KIF26B: variants seen among roughly 807,000 people sequenced by gnomAD.
KIF26B encodes the protein kinesin family member 26B.
A neutral mutation model predicts 151.2 loss-of-function variants in KIF26B; 63 were observed. That is an observed-to-expected ratio of 0.42 (90% CI 0.34 to 0.51). The LOEUF is 0.51. KIF26B is among the 20% of genes least tolerant of loss of function. The pLI, the probability that KIF26B is intolerant of heterozygous loss-of-function variation, is 0.07. For missense variants in KIF26B, 2,813 were observed against 2,913.6 expected (o/e 0.97, Z 0.79); for synonymous variants, 1,357 against 1,262.1 (o/e 1.08, Z -1.59).
chr1:245,700,133 C>G (rs112430142), intron 14 of KIF26B, among the ~76,000 whole-genome samples: 5 of 152,092 alleles, frequency 3.3e-5, no homozygotes, highest in African/African-American at 1.2e-4. Flanking sequence ...CAGCATTTGC[C>G]GCTGTGGCCA....
At chr1:245,684,860 T>G (rs1328570094) in intron 11 of KIF26B, among the ~76,000 whole-genome samples, 1 of 152,230 alleles carries the variant, frequency 6.6e-6, no homozygotes, top group African/African-American at 2.4e-5. Flanking sequence ...CTGCTGCTTT[T>G]GTCCTGGCAA....
intron 2 of KIF26B, among the ~76,000 whole-genome samples, chr1:245,246,036 G>A (rs1027301789): frequency 6.6e-6 from 1 of 151,494 alleles, no homozygotes; most frequent in Non-Finnish European, 1.5e-5. Context: ...AGCTTGCCAT[G>A]AGCCGAGATC....
chr1:245,494,424 A>G (rs1660470213), intron 4 of KIF26B, among the ~76,000 whole-genome samples: 1 of 152,202 alleles, frequency 6.6e-6, no homozygotes, highest in South Asian at 2.1e-4. Context: ...TGTGAACCTG[A>G]AGTAGACAAG....
At chr1:245,332,203 C>T (rs1445213291) in intron 2 of KIF26B, among the ~76,000 whole-genome samples, 1 of 152,208 alleles carries the variant, frequency 6.6e-6, no homozygotes, top group African/African-American at 2.4e-5. Flanking sequence ...CTGGATTACG[C>T]TGCTGCAGAC....
At chr1:245,333,363 T>C (rs1300926450) in intron 2 of KIF26B, among the ~76,000 whole-genome samples, 3 of 152,206 alleles carry the variant, frequency 2.0e-5, no homozygotes, top group Non-Finnish European at 4.4e-5. Context: ...AAATACTGTG[T>C]GACGCCACTT....
chr1:245,702,353 A>T lies in KIF26B; in HGVS notation c.6179-105A>T. On this transcript the variant is annotated intron_variant, in intron 14 of 14. Coordinates refer to ENST00000407071, the MANE Select transcript of KIF26B (RefSeq NM_018012.4). The surrounding 1 kb of genome is among the most constrained non-coding windows in gnomAD (Gnocchi z 4.1). ...CCTAAGGCAAGCGAACTAGACCTTT[A>T]GACCAAGGGGTAGATGTGGGGGTGG... 1 of 1,297,704 alleles carries T rather than the reference A, an allele frequency of 7.7e-7. No homozygotes were observed. The highest frequency in any genetic ancestry group is 1.5e-5 in the African/African-American group (1 of 68,320). 80.4% of individuals were successfully genotyped at this position (1,297,704 alleles called of 1,614,324 possible).
At chr1:245,339,203 C>T (rs1672290623) in intron 2 of KIF26B, among the ~76,000 whole-genome samples, 2 of 152,132 alleles carry the variant, frequency 1.3e-5, no homozygotes, top group African/African-American at 4.8e-5. Flanking sequence ...TGGTCTCGAG[C>T]TCCTTACCTC....
intron 4 of KIF26B, among the ~76,000 whole-genome samples, chr1:245,530,083 C>T (rs1181952284): frequency 6.6e-6 from 1 of 152,238 alleles, no homozygotes; most frequent in East Asian, 1.9e-4. Flanking sequence ...AGGTGCTCAA[C>T]ATCATTCATT....
chr1:245,557,193 A>C (rs1662060189), intron 5 of KIF26B, among the ~76,000 whole-genome samples: 1 of 152,206 alleles, frequency 6.6e-6, no homozygotes, highest in Non-Finnish European at 1.5e-5. Context: ...GAACTTTCCA[A>C]ATAAGTTGGA....
intron 4 of KIF26B, among the ~76,000 whole-genome samples, chr1:245,444,487 C>T (rs571209193): frequency 1.3e-5 from 2 of 152,202 alleles, no homozygotes; most frequent in African/African-American, 2.4e-5. Context: ...GGAAAAGAGC[C>T]GCAAGATTAA....
At position 245,155,191 on chromosome 1, in the gene KIF26B, G is replaced by GAA. The variant is rs543358832; in HGVS notation, c.-231_-230dup. The GAA allele has an allele frequency of 9.5e-4, 531 of 560,352 alleles. 2 individuals carry two copies. The African/African-American group carries it at 9.5e-3, about 10-fold the overall frequency. 34.7% of individuals were successfully genotyped at this position (560,352 alleles called of 1,614,324 possible). A position where few individuals can be genotyped will look rare whatever the true frequency, so the allele number is the denominator to read the frequency against. ...GCTGGAAGAGGCAGAAGGGGACGAGGAAAAGCATGCTTTGAAGAGAAGAAT... is the reference window on the plus strand; with the variant it reads ...GCTGGAAGAGGCAGAAGGGGACGAGGAAAAAAGCATGCTTTGAAGAGAAGAAT... On this transcript the variant is annotated 5_prime_UTR_variant, in exon 1 of 15. Transcript: ENST00000407071.
At chr1:245,475,563 G>A (rs1450245121) in intron 4 of KIF26B, among the ~76,000 whole-genome samples, 1 of 151,732 alleles carries the variant, frequency 6.6e-6, no homozygotes, top group Non-Finnish European at 1.5e-5. Context: ...ATAAATCAGA[G>A]GAATGGGAGA....
chr1:245,546,151 A>G (rs1235751622), intron 5 of KIF26B, among the ~76,000 whole-genome samples: 1 of 152,228 alleles, frequency 6.6e-6, no homozygotes, highest in Non-Finnish European at 1.5e-5. Context: ...GAAGAGGAGA[A>G]CAAGATTTTT....
At chr1:245,519,544 A>AC (rs367792183) in intron 4 of KIF26B, among the ~76,000 whole-genome samples, 143 of 138,206 alleles carry the variant, frequency 1.0e-3, no homozygotes, top group African/African-American at 3.6e-3. Flanking sequence ...ACAGAGTAGA[A>AC]CCCCATCTCA....
At position 245,706,897 on chromosome 1, in the gene KIF26B, T is replaced by G. The variant is rs2044847922; in HGVS notation, c.*4291T>G. ...GATGCAAGTAAATGGGTCTCAAATT[T>G]TGGTGGGGGCAGTGTTTCTTTGGAT... On this transcript the variant is annotated 3_prime_UTR_variant, in exon 15 of 15. Transcript: ENST00000407071. 1 of 152,184 alleles carries G rather than the reference T, an allele frequency of 6.6e-6. No individual in the cohort carries two copies. Among genetic ancestry groups the G allele is most frequent in the Non-Finnish European group, 1.5e-5 (1 of 68,046 alleles). 9.4% of individuals were successfully genotyped at this position (152,184 alleles called of 1,614,324 possible).
chr1:245,598,627 G>A (rs1349976723), intron 5 of KIF26B, among the ~76,000 whole-genome samples: 5 of 151,896 alleles, frequency 3.3e-5, no homozygotes, highest in African/African-American at 4.8e-5. Context: ...CCTCCATGTC[G>A]ATGGAGTGTC....
chr1:245,429,345 T>A (rs1658723018), intron 4 of KIF26B, among the ~76,000 whole-genome samples: 1 of 152,200 alleles, frequency 6.6e-6, no homozygotes, highest in Non-Finnish European at 1.5e-5. Context: ...GGTGGCCCTT[T>A]GTTATCTGTC....
chr1:245,157,262 C>T (rs1203241817), intron 2 of KIF26B, among the ~76,000 whole-genome samples: 1 of 152,208 alleles, frequency 6.6e-6, no homozygotes, highest in Admixed American at 6.5e-5. Flanking sequence ...TGCTCCTGCG[C>T]CAAGCACACT....
chr1:245,252,657 G>A (rs1573734505), intron 2 of KIF26B, among the ~76,000 whole-genome samples: 2 of 152,076 alleles, frequency 1.3e-5, no homozygotes, highest in African/African-American at 4.8e-5. Flanking sequence ...CAGATAATAT[G>A]TCTGCAATTA....
Sources: allele counts gnomAD v4.1 joint callset (sites outside exome capture counted in the v4.1 genomes callset), GRCh38; gene constraint gnomAD v4.1.1; non-coding constraint Gnocchi (gnomAD v3.1); transcripts MANE v1.5; gene names NCBI Gene and HGNC (gene_info 2026-07-23, HGNC 2026-07-21).